ARHGAP6: variants seen among roughly 807,000 people sequenced by gnomAD.
ARHGAP6 encodes Rho GTPase activating protein 6.
Under a neutral mutation model 55.7 loss-of-function variants are expected in ARHGAP6, and 16 were observed. The observed-to-expected ratio is 0.29, with a 90% CI of 0.19 to 0.44. ARHGAP6 has a LOEUF of 0.44. Ranked by LOEUF, ARHGAP6 falls within the 20% of genes least tolerant of loss-of-function variation. The pLI, the probability that ARHGAP6 is intolerant of heterozygous loss-of-function variation, is 1.00. For missense variants in ARHGAP6, 698 were observed against 808.9 expected (o/e 0.86, Z 1.66); for synonymous variants, 382 against 360.9 (o/e 1.06, Z -0.66).
At chrX:11,631,751 T>G (rs1039894635) in intron 1 of ARHGAP6, among the ~76,000 whole-genome samples, 1 of 111,927 alleles carries the variant, frequency 8.9e-6, no homozygotes. Flanking sequence ...AAATCTGCTA[T>G]AAAAGCGCCA....
chrX:11,663,959 T>C (rs2052726799), intron 1 of ARHGAP6, among the ~76,000 whole-genome samples: 1 of 112,660 alleles, frequency 8.9e-6, no homozygotes, highest in African/African-American at 3.2e-5. Context: ...CCCTTTGAAA[T>C]TGCCTGCAGC....
chrX:11,453,517 G>A (rs2050166196), intron 1 of ARHGAP6, among the ~76,000 whole-genome samples: 1 of 108,837 alleles, frequency 9.2e-6, no homozygotes, highest in East Asian at 2.8e-4. Context: ...GGTGATGGGA[G>A]AGGAAAGAAG....
intron 3 of ARHGAP6, among the ~76,000 whole-genome samples, chrX:11,192,640 C>A (rs1484890985): frequency 8.9e-6 from 1 of 112,293 alleles, no homozygotes; most frequent in Non-Finnish European, 1.9e-5. Context: ...TCACAGCTCA[C>A]ATACAGTTAC....
At chrX:11,554,521 C>T (rs1223588535) in intron 1 of ARHGAP6, among the ~76,000 whole-genome samples, 1 of 112,000 alleles carries the variant, frequency 8.9e-6, no homozygotes, top group Non-Finnish European at 1.9e-5. Context: ...TAAATCATTG[C>T]TCACTCTATG....
At chrX:11,607,437 T>A (rs1352991511) in intron 1 of ARHGAP6, among the ~76,000 whole-genome samples, 1 of 111,941 alleles carries the variant, frequency 8.9e-6, no homozygotes, top group African/African-American at 3.2e-5. Flanking sequence ...CTGGTGGTGA[T>A]TACAGCACAA....
At chrX:11,395,824 C>A (rs1021238106) in intron 1 of ARHGAP6, among the ~76,000 whole-genome samples, 1 of 112,060 alleles carries the variant, frequency 8.9e-6, no homozygotes, top group African/African-American at 3.2e-5. Flanking sequence ...TAACTATTTC[C>A]CTTGTCACTT....
intron 1 of ARHGAP6, among the ~76,000 whole-genome samples, chrX:11,315,441 C>T (rs140191718): frequency 3.0e-3 from 338 of 112,095 alleles, no homozygotes; most frequent in African/African-American, 0.01. Flanking sequence ...ATGCTCACTC[C>T]TGCTGTGCAG....
intron 1 of ARHGAP6, among the ~76,000 whole-genome samples, chrX:11,646,394 C>T (rs1569071347): frequency 9.0e-6 from 1 of 111,506 alleles, no homozygotes; most frequent in Non-Finnish European, 1.9e-5. Context: ...TAAATAGGAA[C>T]ATTGCCTAGA....
At chrX:11,308,833 AG>A in intron 1 of ARHGAP6, among the ~76,000 whole-genome samples, 1 of 112,571 alleles carries the variant, frequency 8.9e-6, no homozygotes, top group South Asian at 3.7e-4. Context: ...TCAAATACTG[AG>A]AAAATAGCCA....
intron 1 of ARHGAP6, among the ~76,000 whole-genome samples, chrX:11,359,913 C>T (rs760648066): frequency 2.7e-5 from 3 of 111,633 alleles, no homozygotes; most frequent in South Asian, 3.8e-4. Flanking sequence ...TAGAAGAAAT[C>T]GATAAATTCC....
At chrX:11,604,335 A>G (rs1013634213) in intron 1 of ARHGAP6, among the ~76,000 whole-genome samples, 1 of 111,829 alleles carries the variant, frequency 8.9e-6, no homozygotes, top group African/African-American at 3.3e-5. Context: ...CAAGGGCCCC[A>G]AACACATTCT....
In ARHGAP6 at chrX:11,489,970, G is replaced by A. The variant is rs190787321; in HGVS notation, c.588+174271C>T. On this transcript the variant is annotated intron_variant, in intron 1 of 12. Transcript: ENST00000337414. ...GTGAGGACCAGACAGGTAGGAATTC[G>A]AAACCAGGCACCAGACAGGCATCAG... 5.3e-4 allele frequency among the ~76,000 whole-genome samples: 59 copies of A among 111,279 alleles called. 3 individuals are homozygous for A. The East Asian group carries it at 0.011, about 20-fold the overall frequency.
intron 1 of ARHGAP6, among the ~76,000 whole-genome samples, chrX:11,314,853 G>A (rs765614675): frequency 5.2e-4 from 58 of 111,622 alleles, no homozygotes; most frequent in Admixed American, 8.6e-4. Flanking sequence ...ATTAATACCC[G>A]GGTGAGGAAA....
chrX:11,662,210 C>T (rs977696844), intron 1 of ARHGAP6, among the ~76,000 whole-genome samples: 1 of 111,930 alleles, frequency 8.9e-6, no homozygotes, highest in Non-Finnish European at 1.9e-5. Context: ...AGGCAGTGCC[C>T]AATAGGATAC....
intron 1 of ARHGAP6, among the ~76,000 whole-genome samples, chrX:11,585,337 T>C (rs1038848436): frequency 8.9e-6 from 1 of 112,476 alleles, no homozygotes; most frequent in South Asian, 3.6e-4. Context: ...TCTGTTTTTA[T>C]GTCTTTGAGG....
intron 1 of ARHGAP6, among the ~76,000 whole-genome samples, chrX:11,530,500 C>T (rs1461813420): frequency 8.9e-6 from 1 of 112,037 alleles, no homozygotes; most frequent in Admixed American, 9.5e-5. Context: ...TGATGCACAG[C>T]TATTACCATT....
At chrX:11,404,530 G>C (rs1200495246) in intron 1 of ARHGAP6, among the ~76,000 whole-genome samples, 1 of 111,726 alleles carries the variant, frequency 9.0e-6, no homozygotes, top group Non-Finnish European at 1.9e-5. Context: ...AAGTATCACT[G>C]TCTGCCAACA....
At chrX:11,517,531 A>C (rs927662814) in intron 1 of ARHGAP6, among the ~76,000 whole-genome samples, 9 of 111,397 alleles carry the variant, frequency 8.1e-5, no homozygotes, top group African/African-American at 2.6e-4. Context: ...CATGTCTATT[A>C]AGAGAATGTT....
intron 8 of ARHGAP6, among the ~76,000 whole-genome samples, chrX:11,170,702 G>A (rs1338531696): frequency 2.7e-5 from 3 of 111,384 alleles, no homozygotes; most frequent in African/African-American, 9.8e-5. Context: ...CGGAGGGGGT[G>A]AAGAGGATAA....
Sources: gnomAD v4.1 joint callset for allele counts (sites outside exome capture counted in the v4.1 genomes callset) on GRCh38, gnomAD v4.1.1 for gene constraint, MANE v1.5 for transcripts, NCBI Gene and HGNC (gene_info 2026-07-23, HGNC 2026-07-21) for gene names.